Variants in ATF3 observed in about 807,000 individuals in gnomAD.
The protein encoded by ATF3 is activating transcription factor 3.
In ATF3, 10 loss-of-function variants were observed where a neutral mutation model predicts 18.4. The observed-to-expected ratio is 0.54, with a 90% confidence interval of 0.34 to 0.92. The LOEUF is 0.92. ATF3 is among the 40% of genes least tolerant of loss of function. The pLI is 0.02. For synonymous variants in ATF3, 78 were observed against 87.9 expected, an observed-to-expected ratio of 0.89 and a Z score of 0.63; for missense variants, 183 against 222.3, an observed-to-expected ratio of 0.82 and a Z score of 1.12.
intron 1 of ATF3, among the ~76,000 whole-genome samples, chr1:212,610,141 C>T (rs561911522): frequency 6.6e-6 from 1 of 152,120 alleles, no homozygotes; most frequent in Non-Finnish European, 1.5e-5. Context: ...TTCTCTGCTC[C>T]CCCCACTCCC....
rs1655280637 is a variant in ATF3 at position 212,619,522 on chromosome 1, C to A, written c.513C>A (p.Ile171=). The change falls in exon 4 of 4, where the codon ATC becomes ATA. Residue 171 remains isoleucine, a synonymous_variant. Transcript: ENST00000341491. The surrounding 1 kb of genome is among the most constrained non-coding windows in gnomAD (Gnocchi z 4.4). ...CAGAAGATGAGAGAAACCTCTTTAT[C>A]CAACAGATAAAAGAAGGAACATTGC... is the stretch of plus-strand genomic sequence containing the variant. ...RTPEDERNLF[I]QQIKEGTLQS is the part of the protein sequence containing the mutation. The A allele has an allele frequency of 6.2e-7, 1 of 1,614,156 alleles. No homozygotes were observed. Among genetic ancestry groups the A allele is most frequent in the Non-Finnish European group, 8.5e-7 (1 of 1,180,022 alleles).
At chr1:212,607,429 T>G (rs1465529458), upstream of ATF3, among the ~76,000 whole-genome samples, 1 of 152,210 alleles carries the variant, frequency 6.6e-6, no homozygotes, top group Non-Finnish European at 1.5e-5. Context: ...GTTCCTTGGT[T>G]CTGCCGCTCT....
chr1:212,614,295 G>C (rs1489342764), intron 1 of ATF3, among the ~76,000 whole-genome samples: 1 of 152,160 alleles, frequency 6.6e-6, no homozygotes, highest in Non-Finnish European at 1.5e-5. Context: ...ACAATACAGT[G>C]CCTCACTTTT....
chr1:212,602,413 A>G (rs185901076), intron 1 of ATF3, among the ~76,000 whole-genome samples: 19 of 152,274 alleles, frequency 1.2e-4, no homozygotes, highest in African/African-American at 4.1e-4. Context: ...TTCTGACACG[A>G]TGTAGAGCCA....
chr1:212,617,946 C>T (rs11587043), intron 2 of ATF3, among the ~76,000 whole-genome samples, 181 bp from the exon 3 acceptor site: 42 of 150,224 alleles, frequency 2.8e-4, no homozygotes, highest in Non-Finnish European at 4.0e-4. Context: ...TGTGTGTGTG[C>T]GTGTGTGTGT....
intron 1 of ATF3, among the ~76,000 whole-genome samples, chr1:212,598,462 C>T (rs1359135113): frequency 6.6e-6 from 1 of 152,162 alleles, no homozygotes; most frequent in Non-Finnish European, 1.5e-5. Context: ...TCCTTTGTAT[C>T]TCAATCCAAT....
intron 1 of ATF3, among the ~76,000 whole-genome samples, chr1:212,578,519 A>T (rs1221980868): frequency 6.6e-6 from 1 of 152,196 alleles, no homozygotes; most frequent in Non-Finnish European, 1.5e-5. Flanking sequence ...CTTCAACTTT[A>T]TCCAGGCAGA....
chr1:212,602,747 G>A (rs1654515540), intron 1 of ATF3, among the ~76,000 whole-genome samples: 1 of 152,194 alleles, frequency 6.6e-6, no homozygotes, highest in Non-Finnish European at 1.5e-5. Flanking sequence ...GGAACACCCA[G>A]AATGCTACAT....
chr1:212,594,814 C>T (rs372027274), intron 1 of ATF3, among the ~76,000 whole-genome samples: 16 of 152,318 alleles, frequency 1.1e-4, no homozygotes, highest in African/African-American at 3.1e-4. Flanking sequence ...TACTGGGCCC[C>T]TTACAGGCCT....
In ATF3 at chr1:212,617,946, CGTGT is replaced by C. The variant is rs3839030; in HGVS notation, c.241-164_241-161del. Reference sequence around the variant, plus strand: ...TTGTTCACTCACGTGTGTGTGTGTGCGTGTGTGTGTGTGTGTGTGTAGGGGTTTT... The same window carrying C: ...TTGTTCACTCACGTGTGTGTGTGTGCGTGTGTGTGTGTGTGTAGGGGTTTT... On this transcript the variant is annotated intron_variant, in intron 2 of 3. Coordinates refer to ENST00000341491, the MANE Select transcript of ATF3 (RefSeq NM_001674.4). 1.5e-4 allele frequency among the ~76,000 whole-genome samples: 22 copies of C among 150,030 alleles called. 1 individual carries two copies. Among genetic ancestry groups the C allele is most frequent in the Admixed American group, 3.3e-4 (5 of 15,082 alleles).
chr1:212,609,323 G>A (rs1412604911), intron 1 of ATF3, among the ~76,000 whole-genome samples: 1 of 115,002 alleles, frequency 8.7e-6, no homozygotes, highest in East Asian at 3.0e-4. Flanking sequence ...TCGCCGTCCC[G>A]CTCCATCCCT....
intron 1 of ATF3, chr1:212,565,580 C>A (rs1313041303): frequency 6.6e-6 from 1 of 152,172 alleles, no homozygotes; most frequent in African/African-American, 2.4e-5. Context: ...GGGGAGTACC[C>A]ACTGTGGCCC....
chr1:212,598,708 T>C (rs191103731), intron 1 of ATF3, among the ~76,000 whole-genome samples: 1 of 152,208 alleles, frequency 6.6e-6, no homozygotes. Flanking sequence ...TGAGAACATA[T>C]GATGTTTGTC....
chr1:212,617,184 A>C (rs1655164581), intron 2 of ATF3, among the ~76,000 whole-genome samples: 2 of 152,172 alleles, frequency 1.3e-5, no homozygotes, highest in African/African-American at 4.8e-5. Context: ...TAGAGCAAGG[A>C]CCAGGCAGCC....
At chr1:212,578,714 A>C (rs1358237320) in intron 1 of ATF3, among the ~76,000 whole-genome samples, 2 of 152,082 alleles carry the variant, frequency 1.3e-5, no homozygotes, top group African/African-American at 4.8e-5. Context: ...TTGCAGGCTC[A>C]TTTCAGGGGA....
chr1:212,580,594 C>A (rs1664667009), intron 1 of ATF3, among the ~76,000 whole-genome samples: 3 of 152,136 alleles, frequency 2.0e-5, no homozygotes, highest in Admixed American at 2.0e-4. Context: ...GCGTGAACCA[C>A]CATACCCAGC....
rs565809669 is a variant in ATF3 at position 212,616,549 on chromosome 1, C to T, written c.240+1288C>T. On this transcript the variant is annotated intron_variant, in intron 2 of 3. Coordinates refer to ENST00000341491, the MANE Select transcript of ATF3 (RefSeq NM_001674.4). ...CTGACCTCAGGTAATCCGCCCGCCT[C>T]GGCCTCCCAAAGTGCTGGGATTACA... Among the ~76,000 whole-genome samples, 5 of 152,278 alleles carry T rather than the reference C, an allele frequency of 3.3e-5. No homozygotes were observed. In the South Asian group the frequency reaches 6.2e-4, roughly 19 times the overall value.
chr1:212,584,838 C>T (rs1055045085), intron 1 of ATF3, among the ~76,000 whole-genome samples: 1 of 152,216 alleles, frequency 6.6e-6, no homozygotes, highest in African/African-American at 2.4e-5. Flanking sequence ...TCTCCAAGTA[C>T]GGCTCCCGGG....
chr1:212,571,832 C>T (rs149073371), intron 1 of ATF3, among the ~76,000 whole-genome samples: 3,098 of 152,076 alleles, frequency 0.02, 98 homozygotes, highest in African/African-American at 0.069. Context: ...CTGCCTCAGC[C>T]TCCTGAGTAG....
Sources: gnomAD v4.1 joint callset for allele counts (sites outside exome capture counted in the v4.1 genomes callset) on GRCh38, gnomAD v4.1.1 for gene constraint, Gnocchi (gnomAD v3.1) non-coding constraint, MANE v1.5 for transcripts, NCBI Gene and HGNC (gene_info 2026-07-23, HGNC 2026-07-21) for gene names.